DCX: variants seen among roughly 807,000 people sequenced by gnomAD.
The protein encoded by DCX is neuronal migration protein doublecortin.
Under a neutral mutation model 20.9 loss-of-function variants are expected in DCX, and 4 were observed. That is an observed-to-expected ratio of 0.19 (90% CI 0.09 to 0.44). The LOEUF (loss-of-function observed/expected upper bound fraction) is 0.44, where lower values mean the gene tolerates loss of function less well. Ranked by LOEUF, DCX falls within the 20% of genes least tolerant of loss-of-function variation. The probability of loss-of-function intolerance (pLI) is 0.99; values close to 1 mark genes in which losing one functional copy is unlikely to be tolerated. For missense variants in DCX, 133 were observed against 296.9 expected, an observed-to-expected ratio of 0.45 and a Z score of 4.06; for synonymous variants, 103 against 111.4, an observed-to-expected ratio of 0.92 and a Z score of 0.47.
intron 3 of DCX, among the ~76,000 whole-genome samples, chrX:111,387,867 T>G (rs911609620): frequency 9.0e-6 from 1 of 111,540 alleles, no homozygotes; most frequent in African/African-American, 3.3e-5. Context: ...TTCAGACCCC[T>G]AGGGTCTTCC....
chrX:111,401,957 G>A (rs899204685), intron 2 of DCX, among the ~76,000 whole-genome samples: 1 of 112,235 alleles, frequency 8.9e-6, no homozygotes, highest in African/African-American at 3.2e-5. Context: ...ATGTTTATAT[G>A]TGTGTATAAG....
chrX:111,318,053 C>T (rs763880302), intron 5 of DCX, among the ~76,000 whole-genome samples: 4 of 107,304 alleles, frequency 3.7e-5, no homozygotes, highest in South Asian at 4.3e-4. Context: ...GGTGTGGTGG[C>T]GTGCACCTGT....
chrX:111,409,952 T>A, intron 2 of DCX, 83 bp downstream of exon 2: 2 of 1,179,323 alleles, frequency 1.7e-6, no homozygotes, highest in Non-Finnish European at 2.3e-6. Flanking sequence ...ATTGCCTAAT[T>A]TTTTTTCAAA....
chrX:111,323,859 C>G (rs958573084), intron 5 of DCX, among the ~76,000 whole-genome samples: 5 of 110,517 alleles, frequency 4.5e-5, no homozygotes, highest in African/African-American at 9.9e-5. Context: ...AGAAATATTG[C>G]TAAGGAGTCT....
At chrX:111,308,471 C>T (rs1419685051) in intron 6 of DCX, among the ~76,000 whole-genome samples, 2 of 110,896 alleles carry the variant, frequency 1.8e-5, no homozygotes, top group Non-Finnish European at 3.8e-5. Context: ...TTAAATGTCA[C>T]CTCTGTGAAA....
At position 111,399,213 on chromosome X, in the gene DCX, C is replaced by CATATAT. The variant is rs761586513; in HGVS notation, c.705+1771_705+1776dup. 1.3e-3 allele frequency among the ~76,000 whole-genome samples: 140 copies of CATATAT among 108,354 alleles called. 1 individual carries two copies. Among genetic ancestry groups the CATATAT allele is most frequent in the African/African-American group, 4.4e-3 (133 of 29,942 alleles). 94.1% of individuals were successfully genotyped at this position (108,354 alleles called of 115,157 possible). On this transcript the variant is annotated intron_variant, in intron 3 of 6. Coordinates refer to ENST00000636035, the MANE Select transcript of DCX (RefSeq NM_001195553.2). ...ATCTCATTTAATGATGAATTATATG[C>CATATAT]ATATATATATATATACATCCATGTG...
intron 6 of DCX, among the ~76,000 whole-genome samples, chrX:111,305,950 TACA>T (rs1846442449): frequency 9.0e-6 from 1 of 111,112 alleles, no homozygotes; most frequent in South Asian, 3.7e-4. Flanking sequence ...TTAGTAAAAA[TACA>T]ACAAGTGAAT....
chrX:111,336,276 C>A (rs1166606676), intron 3 of DCX, among the ~76,000 whole-genome samples: 1 of 112,279 alleles, frequency 8.9e-6, no homozygotes, highest in African/African-American at 3.2e-5. Context: ...TACCCACACC[C>A]AGGCTTTGGG....
At chrX:111,314,136 T>C (rs2095064072) in intron 5 of DCX, among the ~76,000 whole-genome samples, 2 of 110,844 alleles carry the variant, frequency 1.8e-5, no homozygotes, top group South Asian at 3.8e-4. Context: ...TAGTGGTTGG[T>C]AAGTTTATTT....
At chrX:111,341,518 C>T (rs1258090112) in intron 3 of DCX, among the ~76,000 whole-genome samples, 1 of 111,025 alleles carries the variant, frequency 9.0e-6, no homozygotes, top group Non-Finnish European at 1.9e-5. Flanking sequence ...TCAGGAAATA[C>T]AGAGAACACC....
chrX:111,411,792 T>A (rs1048109175), intron 1 of DCX: 1 of 111,785 alleles, frequency 8.9e-6, no homozygotes, highest in Non-Finnish European at 1.9e-5. Flanking sequence ...CCATGACCTA[T>A]GCTGAGCTCA....
chrX:111,301,638 A>T lies in DCX; in HGVS notation c.*49T>A. 8.6e-7 allele frequency: 1 copy of T among 1,162,190 alleles called. No homozygotes were observed. Reference sequence around the variant, plus strand: ...CACTTGAGCAGAAGTACCCTACTACAATGATAGGCTTGGATTTGTACTCTG... The same window carrying T: ...CACTTGAGCAGAAGTACCCTACTACTATGATAGGCTTGGATTTGTACTCTG... On this transcript the variant is annotated 3_prime_UTR_variant, in exon 7 of 7. Coordinates refer to ENST00000636035, the MANE Select transcript of DCX (RefSeq NM_001195553.2).
chrX:111,311,750 A>G (rs2147593038), intron 6 of DCX, among the ~76,000 whole-genome samples: 1 of 112,603 alleles, frequency 8.9e-6, no homozygotes, highest in East Asian at 2.8e-4. Flanking sequence ...AAATAAAACT[A>G]ATTTATCTCC....
At chrX:111,386,350 A>T (rs1331616752) in intron 3 of DCX, among the ~76,000 whole-genome samples, 3 of 110,696 alleles carry the variant, frequency 2.7e-5, no homozygotes, top group Non-Finnish European at 5.7e-5. Context: ...GCTCAGTAAC[A>T]GTTATTTCCT....
chrX:111,328,618 T>C (rs987085410), intron 5 of DCX, among the ~76,000 whole-genome samples: 1 of 112,148 alleles, frequency 8.9e-6, no homozygotes, highest in Non-Finnish European at 1.9e-5. Context: ...AAATAGAGTC[T>C]GGTTCCTCTC....
In DCX at chrX:111,381,178, A is replaced by T. The variant is rs1000082991; in HGVS notation, c.705+19812T>A. 2.7e-5 allele frequency among the ~76,000 whole-genome samples: 3 copies of T among 109,471 alleles called. No homozygotes were observed. The Admixed American group carries it at 3.0e-4, about 11-fold the overall frequency. On this transcript the variant is annotated intron_variant, in intron 3 of 6. Coordinates refer to ENST00000636035, the MANE Select transcript of DCX (RefSeq NM_001195553.2). ...TTTCTTTTTTTTTTCTCTTTTCTATATTCCAAACTCTACTCTGCCAATATG... is the reference window on the plus strand; with the variant it reads ...TTTCTTTTTTTTTTCTCTTTTCTATTTTCCAAACTCTACTCTGCCAATATG...
At chrX:111,312,236 C>T (rs763989219) in intron 6 of DCX, among the ~76,000 whole-genome samples, 1 of 111,795 alleles carries the variant, frequency 8.9e-6, no homozygotes, top group Admixed American at 9.5e-5. Context: ...TAACTCAGTG[C>T]AACTTTTTGG....
intron 5 of DCX, among the ~76,000 whole-genome samples, chrX:111,324,323 G>A (rs1395585964): frequency 9.0e-6 from 1 of 111,376 alleles, no homozygotes; most frequent in Non-Finnish European, 1.9e-5. Context: ...AGTTCTCCCA[G>A]GAATTCCTCC....
At chrX:111,355,197 A>T (rs962644458) in intron 3 of DCX, among the ~76,000 whole-genome samples, 7 of 111,828 alleles carry the variant, frequency 6.3e-5, no homozygotes, top group Non-Finnish European at 1.1e-4. Flanking sequence ...ATTTTTTTTT[A>T]AATTGAACCC....
Sources: gnomAD v4.1 joint callset for allele counts (sites outside exome capture counted in the v4.1 genomes callset) on GRCh38, gnomAD v4.1.1 for gene constraint, MANE v1.5 for transcripts, NCBI Gene and HGNC (gene_info 2026-07-23, HGNC 2026-07-21) for gene names.